The following CR1L variants were observed in gnomAD, a reference collection of about 807,000 sequenced individuals.
The protein encoded by CR1L is complement component receptor 1-like protein.
In CR1L, 59 loss-of-function variants were observed where a neutral mutation model predicts 62.3. The observed-to-expected ratio is 0.95, with a 90% CI of 0.77 to 1.18. CR1L has a LOEUF of 1.18. Among genes scored for constraint, CR1L ranks in the 50% most tolerant of loss-of-function variants. The pLI, the probability that CR1L is intolerant of heterozygous loss-of-function variation, is 0.00. For synonymous variants in CR1L, 279 were observed against 248.7 expected, an observed-to-expected ratio of 1.12 and a Z score of -1.15; for missense variants, 700 against 702.8, an observed-to-expected ratio of 1.00 and a Z score of 0.04.
At chr1:207,689,917 A>G (rs1400696312) in intron 4 of CR1L, among the ~76,000 whole-genome samples, 1 of 152,106 alleles carries the variant, frequency 6.6e-6, no homozygotes, top group Non-Finnish European at 1.5e-5. Flanking sequence ...TTATATCCTC[A>G]GAAATCCTTT....
chr1:207,672,663 T>G (rs1663630815), intron 1 of CR1L, among the ~76,000 whole-genome samples: 2 of 152,062 alleles, frequency 1.3e-5, no homozygotes, highest in African/African-American at 4.8e-5. Context: ...TTGTGAGCCA[T>G]AAAAATAGTA....
intron 1 of CR1L, among the ~76,000 whole-genome samples, chr1:207,661,163 G>C (rs1045616835): frequency 6.6e-6 from 1 of 152,188 alleles, no homozygotes; most frequent in African/African-American, 2.4e-5. Flanking sequence ...TATTAGGTCT[G>C]CTTGGTGCAG....
chr1:207,714,118 T>C (rs770699277), intron 10 of CR1L, among the ~76,000 whole-genome samples: 1 of 151,770 alleles, frequency 6.6e-6, no homozygotes, highest in Non-Finnish European at 1.5e-5. Flanking sequence ...TGGAGAAGAG[T>C]TTTATTGAGT....
intron 8 of CR1L, among the ~76,000 whole-genome samples, chr1:207,700,730 C>T (rs1213041496): frequency 6.6e-6 from 1 of 151,832 alleles, no homozygotes; most frequent in Non-Finnish European, 1.5e-5. Flanking sequence ...CACATATATA[C>T]ATTTGAGAAA....
At chr1:207,659,308 C>T (rs187524404) in intron 1 of CR1L, among the ~76,000 whole-genome samples, 7 of 152,312 alleles carry the variant, frequency 4.6e-5, no homozygotes, top group Middle Eastern at 3.4e-3. Flanking sequence ...GAGGGCAAGC[C>T]GGAGGCTGGT....
intron 1 of CR1L, among the ~76,000 whole-genome samples, chr1:207,657,739 A>G (rs1268134904): frequency 2.6e-5 from 4 of 152,218 alleles, no homozygotes; most frequent in Non-Finnish European, 5.9e-5. Context: ...GATAAAAAAT[A>G]ATTTTCTTAA....
At chr1:207,714,502 T>C (rs975109218) in intron 10 of CR1L, among the ~76,000 whole-genome samples, 5 of 152,218 alleles carry the variant, frequency 3.3e-5, no homozygotes, top group African/African-American at 1.2e-4. Context: ...CCGCCCCATC[T>C]GCCTGTGATT....
intron 1 of CR1L, among the ~76,000 whole-genome samples, chr1:207,650,593 G>A (rs1346180355): frequency 6.6e-6 from 1 of 152,076 alleles, no homozygotes; most frequent in Non-Finnish European, 1.5e-5. Context: ...AAGCAAAAAA[G>A]GTTTTAAATA....
chr1:207,697,639 A>G lies in CR1L; in HGVS notation c.999A>G (p.Thr333=). The change falls in exon 6 of 12, where the codon ACA becomes ACG. Residue 333 remains threonine, a synonymous_variant. Coordinates refer to ENST00000508064, the MANE Select transcript of CR1L (RefSeq NM_175710.2). ...GAGGATCTACGTATTTGCACTGCAC[A>G]CCCCAGGGAGACTGGAGCCCTGCAG... ...DLRGSTYLHC[T]PQGDWSPAAP... is the part of the protein sequence containing the mutation. 1.9e-6 allele frequency: 3 copies of G among 1,613,910 alleles called. No individual in the cohort carries two copies. Among genetic ancestry groups the G allele is most frequent in the Non-Finnish European group, 2.5e-6 (3 of 1,179,880 alleles).
At chr1:207,682,829 A>G (rs1049447716) in intron 3 of CR1L, among the ~76,000 whole-genome samples, 1 of 152,164 alleles carries the variant, frequency 6.6e-6, no homozygotes, top group Non-Finnish European at 1.5e-5. Flanking sequence ...AATTCTTCCA[A>G]ATTTATGGCA....
chr1:207,697,392 C>A, intron 5 of CR1L, 111 bp from the exon 6 acceptor site: 1 of 1,595,478 alleles, frequency 6.3e-7, no homozygotes, highest in South Asian at 1.1e-5. Context: ...GGCTGTTATT[C>A]TACCTTTTTT....
chr1:207,715,461 G>T (rs1294049132), intron 10 of CR1L: 1 of 1,020,076 alleles, frequency 9.8e-7, no homozygotes, highest in East Asian at 2.9e-5. Flanking sequence ...GTGTTTTACT[G>T]CACGGAATCA....
chr1:207,668,057 A>G (rs1663549511), intron 1 of CR1L, among the ~76,000 whole-genome samples: 1 of 151,200 alleles, frequency 6.6e-6, no homozygotes, highest in South Asian at 2.1e-4. Context: ...GAGACCTCTT[A>G]TACACTGTTA....
At position 207,694,462 on chromosome 1, in the gene CR1L, C is replaced by G. The variant is rs755464846; in HGVS notation, c.573C>G (p.Ser191Arg). Residue 191 changes from serine to arginine, a missense_variant, in exon 5 of 12, where the codon AGC (serine) becomes AGG (arginine). Coordinates refer to ENST00000508064, the MANE Select transcript of CR1L (RefSeq NM_175710.2). ...SVVTYHCNLG[S>R]RGKKVFELVG... ...TGACCTACCACTGCAATCTTGGAAGCAGAGGGAAAAAGGTGTTTGAGCTTG... is the reference window on the plus strand; with the variant it reads ...TGACCTACCACTGCAATCTTGGAAGGAGAGGGAAAAAGGTGTTTGAGCTTG... 2.5e-6 allele frequency: 4 copies of G among 1,613,742 alleles called. No homozygotes were observed. In the African/African-American group the frequency reaches 5.3e-5, roughly 22 times the overall value.
intron 9 of CR1L, among the ~76,000 whole-genome samples, chr1:207,706,223 C>A (rs2102475936): frequency 6.6e-6 from 1 of 151,772 alleles, no homozygotes; most frequent in East Asian, 1.9e-4. Flanking sequence ...ACCTCGAGAC[C>A]AGCCTGGGCA....
intron 1 of CR1L, among the ~76,000 whole-genome samples, chr1:207,661,197 C>G (rs1663414851): frequency 6.6e-6 from 1 of 151,676 alleles, no homozygotes; most frequent in African/African-American, 2.4e-5. Flanking sequence ...TCCTGGATAT[C>G]CTTGTTAACT....
intron 1 of CR1L, among the ~76,000 whole-genome samples, chr1:207,665,963 T>C: frequency 6.6e-6 from 1 of 152,190 alleles, no homozygotes; most frequent in Non-Finnish European, 1.5e-5. Flanking sequence ...CATGTATACA[T>C]GGGTCTCCAT....
chr1:207,679,852 A>G (rs1663766712), intron 3 of CR1L, among the ~76,000 whole-genome samples: 2 of 152,172 alleles, frequency 1.3e-5, no homozygotes, highest in East Asian at 3.8e-4. Flanking sequence ...AAAGAAGCCA[A>G]TCTGAAAAGC....
At chr1:207,713,760 A>G (rs1653896479) in intron 10 of CR1L, among the ~76,000 whole-genome samples, 1 of 152,264 alleles carries the variant, frequency 6.6e-6, no homozygotes, top group African/African-American at 2.4e-5. Flanking sequence ...CACGACCCCG[A>G]AGCCCAGAGG....
Sources: gnomAD v4.1 joint callset for allele counts (sites outside exome capture counted in the v4.1 genomes callset) on GRCh38, gnomAD v4.1.1 for gene constraint, MANE v1.5 for transcripts, NCBI Gene and HGNC (gene_info 2026-07-23, HGNC 2026-07-21) for gene names.